The following ATG7 variants were observed in gnomAD, a reference collection of about 807,000 sequenced individuals.
ATG7 encodes the protein autophagy related 7.
ATG7 carries 70 observed loss-of-function variants against 82.4 expected under a neutral mutation model. The observed-to-expected ratio is 0.85, with a 90% CI of 0.70 to 1.04. ATG7 has a LOEUF of 1.04. ATG7 is among the 50% of genes least tolerant of loss of function. The probability of loss-of-function intolerance (pLI) is 0.00; values close to 1 mark genes in which losing one functional copy is unlikely to be tolerated. For missense variants in ATG7, 792 were observed against 864.3 expected, an observed-to-expected ratio of 0.92 and a Z score of 1.05; for synonymous variants, 287 against 313.0, an observed-to-expected ratio of 0.92 and a Z score of 0.88.
chr3:11,354,632 A>G (rs1466913301), intron 14 of ATG7, among the ~76,000 whole-genome samples: 19 of 123,204 alleles, frequency 1.5e-4, no homozygotes, highest in Non-Finnish European at 2.6e-4. Flanking sequence ...CTGGTCACAG[A>G]GTGAGACTCC....
chr3:11,537,584 G>A (rs1273366118), intron 20 of ATG7, among the ~76,000 whole-genome samples: 1 of 152,140 alleles, frequency 6.6e-6, no homozygotes, highest in Admixed American at 6.5e-5. Context: ...AGATCCAGGG[G>A]TCACAATGAG....
intron 9 of ATG7, among the ~76,000 whole-genome samples, chr3:11,324,436 T>C (rs548845943): frequency 1.3e-3 from 196 of 152,304 alleles, no homozygotes; most frequent in Non-Finnish European, 1.8e-3. Flanking sequence ...TAGTGTTAAA[T>C]GGATTTTGTC....
chr3:11,559,278 G>A, downstream of ATG7: 6 of 1,476,154 alleles, frequency 4.1e-6, no homozygotes, highest in Non-Finnish European at 5.4e-6. Flanking sequence ...GACAGAGAAG[G>A]GCTCTGCTGC....
At chr3:11,425,229 G>A (rs778821382) in intron 19 of ATG7, among the ~76,000 whole-genome samples, 7 of 152,160 alleles carry the variant, frequency 4.6e-5, no homozygotes, top group Non-Finnish European at 8.8e-5. Flanking sequence ...CACCCAAAAT[G>A]CTAGGATTAC....
intron 19 of ATG7, among the ~76,000 whole-genome samples, chr3:11,417,884 CA>C (rs2081537557): frequency 6.8e-6 from 1 of 147,206 alleles, no homozygotes; most frequent in Non-Finnish European, 1.5e-5. Context: ...CATCTTGGCT[CA>C]CTGAAAGCTC....
At chr3:11,278,504 A>G (rs1246230995) in intron 1 of ATG7, among the ~76,000 whole-genome samples, 1 of 152,198 alleles carries the variant, frequency 6.6e-6, no homozygotes, top group Non-Finnish European at 1.5e-5. Context: ...TCTCAAACAT[A>G]CCATCCTGGT....
chr3:11,384,487 T>C (rs1395317530), intron 19 of ATG7, among the ~76,000 whole-genome samples: 2 of 152,210 alleles, frequency 1.3e-5, no homozygotes, highest in East Asian at 1.9e-4. Flanking sequence ...TGCTATTAGC[T>C]TTCTGTGTGT....
intron 6 of ATG7, chr3:11,308,295 C>T (rs1019778759): frequency 6.6e-6 from 1 of 152,284 alleles, no homozygotes; most frequent in African/African-American, 2.4e-5. Flanking sequence ...ATCTTGTGAT[C>T]CACAGCTGCT....
chr3:11,394,502 C>T (rs2079058060), intron 19 of ATG7, among the ~76,000 whole-genome samples: 1 of 152,112 alleles, frequency 6.6e-6, no homozygotes, highest in Non-Finnish European at 1.5e-5. Flanking sequence ...TGGCCATTTG[C>T]TGATCAGGAA....
chr3:11,439,075 T>TTTTTTTTTTTTTTTTTTG (rs2083632240), intron 20 of ATG7, among the ~76,000 whole-genome samples: 1 of 146,500 alleles, frequency 6.8e-6, no homozygotes. Flanking sequence ...CTTTCTTTTT[T>TTTTTTTTTTTTTTTTTTG]TTTTTTTTTT....
intron 19 of ATG7, among the ~76,000 whole-genome samples, chr3:11,390,792 A>G (rs566701611): frequency 4.6e-5 from 7 of 152,282 alleles, no homozygotes; most frequent in African/African-American, 1.7e-4. Flanking sequence ...AAAATGGCAC[A>G]TGGGTGTGAA....
At chr3:11,396,671 A>T (rs542762376) in intron 19 of ATG7, among the ~76,000 whole-genome samples, 1 of 151,930 alleles carries the variant, frequency 6.6e-6, no homozygotes, top group South Asian at 2.1e-4. Flanking sequence ...AATTCCAGCT[A>T]CTCAGGAGGC....
intron 20 of ATG7, among the ~76,000 whole-genome samples, chr3:11,458,425 G>A (rs1037042555): frequency 1.1e-4 from 16 of 151,976 alleles, no homozygotes; most frequent in African/African-American, 3.6e-4. Flanking sequence ...CACCACGCCC[G>A]GCTAATTTTT....
intron 11 of ATG7, 111 bp from the exon 12 acceptor site, chr3:11,340,534 C>A: frequency 1.1e-6 from 1 of 889,928 alleles, no homozygotes; most frequent in Non-Finnish European, 1.7e-6. Flanking sequence ...AAAAGCTTGT[C>A]AATGCATGGG....
intron 20 of ATG7, among the ~76,000 whole-genome samples, chr3:11,545,649 T>C (rs2071216123): frequency 6.6e-6 from 1 of 151,934 alleles, no homozygotes; most frequent in South Asian, 2.1e-4. Context: ...GCCTCGGGGC[T>C]GTGCTTGGGC....
At chr3:11,508,438 T>C (rs1432723058) in intron 20 of ATG7, among the ~76,000 whole-genome samples, 2 of 152,154 alleles carry the variant, frequency 1.3e-5, no homozygotes, top group Non-Finnish European at 2.9e-5. Flanking sequence ...TTAGACAAGC[T>C]TGGTCTAAGG....
At chr3:11,387,609 T>C (rs1265504361) in intron 19 of ATG7, among the ~76,000 whole-genome samples, 5 of 152,182 alleles carry the variant, frequency 3.3e-5, no homozygotes, top group Non-Finnish European at 5.9e-5. Flanking sequence ...CCCAAGCCTA[T>C]TCTTAAATTT....
rs541705697 is a variant in ATG7, at chr3:11,463,405, C to T, written c.2079+36479C>T. 4.6e-5 allele frequency among the ~76,000 whole-genome samples: 7 copies of T among 152,310 alleles called. No homozygotes were observed. In the South Asian group the frequency reaches 1.4e-3, roughly 32 times the overall value. On this transcript the variant is annotated intron_variant, in intron 20 of 20. Transcript: ENST00000693202. ...CCCTCAGAATGGTCTGCTAAACCTT[C>T]AGTCTTGTTGAACCAATTGGTTCAG... is the stretch of plus-strand genomic sequence containing the variant.
rs191535347 is a variant in ATG7, at chr3:11,541,218, T to C, written c.2080-13593T>C. Among the ~76,000 whole-genome samples, 1,088 of 152,308 alleles carry C rather than the reference T, an allele frequency of 7.1e-3. 9 individuals carry two copies. Among genetic ancestry groups the C allele is most frequent in the Non-Finnish European group, 0.012 (810 of 68,026 alleles). On this transcript the variant is annotated intron_variant, in intron 20 of 20. Coordinates refer to ENST00000693202, the MANE Select transcript of ATG7 (RefSeq NM_001349232.2). Reference sequence around the variant, plus strand: ...CCCGGCTGGTTTTAGCTTTTACATATATGTTTGTGATTGATTTCAAGTTAA... The same window carrying C: ...CCCGGCTGGTTTTAGCTTTTACATACATGTTTGTGATTGATTTCAAGTTAA...
Sources: allele counts gnomAD v4.1 joint callset (sites outside exome capture counted in the v4.1 genomes callset), GRCh38; gene constraint gnomAD v4.1.1; transcripts MANE v1.5; gene names NCBI Gene and HGNC (gene_info 2026-07-23, HGNC 2026-07-21).